The following CSMD3 variants were observed in gnomAD, a reference collection of about 807,000 sequenced individuals.
CSMD3 encodes CUB and Sushi multiple domains 3, also known as CUB and sushi domain-containing protein 3.
Under a neutral mutation model 435.2 loss-of-function variants are expected in CSMD3, and 177 were observed. The observed-to-expected ratio is 0.41, with a 90% CI of 0.36 to 0.46. CSMD3 has a LOEUF of 0.46. CSMD3 is among the 20% of genes least tolerant of loss of function. The probability of loss-of-function intolerance (pLI) is 0.34; values close to 1 mark genes in which losing one functional copy is unlikely to be tolerated. For synonymous variants in CSMD3, 1,656 were observed against 1,520.5 expected, an observed-to-expected ratio of 1.09 and a Z score of -2.07; for missense variants, 4,265 against 4,504.6, an observed-to-expected ratio of 0.95 and a Z score of 1.52.
chr8:112,609,082 A>T (rs745771365), intron 22 of CSMD3, among the ~76,000 whole-genome samples: 2 of 151,504 alleles, frequency 1.3e-5, no homozygotes, highest in Non-Finnish European at 1.5e-5. Context: ...CATGCCTGTA[A>T]TCCCAGCTAC....
At chr8:112,586,991 T>C in intron 23 of CSMD3, 75 bp downstream of exon 23, 1 of 970,608 alleles carries the variant, frequency 1.0e-6, no homozygotes. Flanking sequence ...TATATATAGA[T>C]GTATATATTT....
chr8:112,337,240 T>C (rs1824662470), intron 43 of CSMD3, among the ~76,000 whole-genome samples: 1 of 152,164 alleles, frequency 6.6e-6, no homozygotes, highest in African/African-American at 2.4e-5. Context: ...GTTAGTGGTT[T>C]ATGTAAGAAT....
Position 112,646,902 on chromosome 8 carries a change from T to A in CSMD3, c.3194-1677A>T, listed in dbSNP as rs2074994974. On this transcript the variant is annotated intron_variant, in intron 19 of 70. Coordinates refer to ENST00000297405, the MANE Select transcript of CSMD3 (RefSeq NM_198123.2). Reference sequence around the variant, plus strand: ...TTATTTTATATCTAATAAAACAGGATAAAATTACAATGATTTACTAATTCT... The same window carrying A: ...TTATTTTATATCTAATAAAACAGGAAAAAATTACAATGATTTACTAATTCT... Among the ~76,000 whole-genome samples, 3 of 152,180 alleles carry A rather than the reference T, an allele frequency of 2.0e-5. No homozygotes were observed. The South Asian group carries it at 6.2e-4, about 32-fold the overall frequency.
chr8:112,479,566 C>T (rs1819422298), intron 31 of CSMD3, among the ~76,000 whole-genome samples: 1 of 152,190 alleles, frequency 6.6e-6, no homozygotes, highest in Non-Finnish European at 1.5e-5. Context: ...GCCCTGCTGC[C>T]TGCCTTGGGA....
intron 4 of CSMD3, among the ~76,000 whole-genome samples, chr8:113,125,736 T>C (rs1475572024): frequency 6.6e-6 from 1 of 151,990 alleles, no homozygotes; most frequent in Non-Finnish European, 1.5e-5. Context: ...CATTGGATAT[T>C]GGATTTGGCA....
chr8:112,783,181 A>T (rs529236000), intron 13 of CSMD3, among the ~76,000 whole-genome samples: 5 of 152,024 alleles, frequency 3.3e-5, no homozygotes, highest in South Asian at 4.1e-4. Context: ...AAAAATTTTT[A>T]AAATGTGGGG....
At chr8:112,870,520 C>T (rs1035086291) in intron 10 of CSMD3, among the ~76,000 whole-genome samples, 6 of 151,978 alleles carry the variant, frequency 3.9e-5, no homozygotes, top group African/African-American at 7.2e-5. Context: ...TTGTGATCCA[C>T]CCACCTCGGC....
chr8:113,222,015 ATGC>A (rs1563566116), intron 3 of CSMD3, among the ~76,000 whole-genome samples: 2 of 150,944 alleles, frequency 1.3e-5, no homozygotes, highest in Non-Finnish European at 3.0e-5. Flanking sequence ...AAAGCAGTAA[ATGC>A]TTTGAAGGTT....
chr8:112,605,508 A>G (rs763476529), intron 22 of CSMD3, among the ~76,000 whole-genome samples: 3 of 152,132 alleles, frequency 2.0e-5, no homozygotes, highest in Non-Finnish European at 4.4e-5. Context: ...CCATTATCCT[A>G]AGCAAATTAA....
intron 52 of CSMD3, among the ~76,000 whole-genome samples, chr8:112,303,818 A>C (rs1318680261): frequency 1.3e-5 from 2 of 152,088 alleles, no homozygotes; most frequent in Non-Finnish European, 2.9e-5. Flanking sequence ...TGCTACGTTA[A>C]ACTTCTTAAT....
chr8:112,473,829 T>C (rs551119587), intron 31 of CSMD3, among the ~76,000 whole-genome samples: 2 of 151,728 alleles, frequency 1.3e-5, no homozygotes, highest in East Asian at 3.9e-4. Flanking sequence ...AACTTGTACC[T>C]TTTTTCAGAT....
At chr8:112,576,090 T>C (rs1378176082) in intron 23 of CSMD3, among the ~76,000 whole-genome samples, 1 of 152,018 alleles carries the variant, frequency 6.6e-6, no homozygotes, top group Non-Finnish European at 1.5e-5. Flanking sequence ...TAAAACTATT[T>C]CTCTATTTAT....
intron 38 of CSMD3, among the ~76,000 whole-genome samples, chr8:112,378,754 G>A (rs752356191): frequency 6.6e-6 from 1 of 152,034 alleles, no homozygotes; most frequent in Non-Finnish European, 1.5e-5. Flanking sequence ...GGTGACTAGA[G>A]TTAATGGTAA....
chr8:113,376,261 T>TAAA (rs1204956447), intron 1 of CSMD3, among the ~76,000 whole-genome samples: 1 of 152,198 alleles, frequency 6.6e-6, no homozygotes. Context: ...TAAAAGTTAT[T>TAAA]TGATTGATGT....
At chr8:113,074,698 A>G (rs1053530054) in intron 5 of CSMD3, among the ~76,000 whole-genome samples, 16 of 151,840 alleles carry the variant, frequency 1.1e-4, no homozygotes, top group Admixed American at 7.9e-4. Flanking sequence ...TTTTATGACC[A>G]TGAAGTTTCC....
Position 112,689,905 on chromosome 8 carries a change from C to T in CSMD3, c.2118G>A (p.Glu706=), listed in dbSNP as rs1563856060. ...GTATGTTTGCAGACCATTGGTTATT[C>T]TCTTGACAAACAATGGATTTCTCTC... ...LIGEKSIVCQ[E]NNQWSANIPI... The change falls in exon 14 of 71, where the codon GAG becomes GAA. Residue 706 remains glutamate (E), a synonymous_variant. Transcript: ENST00000297405. 1 of 1,613,242 alleles carries T rather than the reference C, an allele frequency of 6.2e-7. No homozygotes were observed. The highest frequency in any genetic ancestry group is 1.3e-5 in the African/African-American group (1 of 74,976).
intron 4 of CSMD3, among the ~76,000 whole-genome samples, chr8:113,132,416 T>A (rs2091306585): frequency 6.6e-6 from 1 of 151,974 alleles, no homozygotes; most frequent in Non-Finnish European, 1.5e-5. Context: ...TGGGTACAGG[T>A]TTCCCCCTTG....
At chr8:112,993,056 A>G in intron 6 of CSMD3, among the ~76,000 whole-genome samples, 1 of 151,820 alleles carries the variant, frequency 6.6e-6, no homozygotes, top group African/African-American at 2.4e-5. Flanking sequence ...GAGGTTCCAC[A>G]TTAAGAGTCA....
intron 35 of CSMD3, among the ~76,000 whole-genome samples, chr8:112,401,927 C>A (rs1376284182): frequency 6.6e-6 from 1 of 152,022 alleles, no homozygotes; most frequent in Admixed American, 6.6e-5. Flanking sequence ...AATAAAATGT[C>A]AACAAATTAA....
Sources: allele counts gnomAD v4.1 joint callset (sites outside exome capture counted in the v4.1 genomes callset), GRCh38; gene constraint gnomAD v4.1.1; transcripts MANE v1.5; gene names NCBI Gene and HGNC (gene_info 2026-07-23, HGNC 2026-07-21).